Variants in NMBR observed in about 807,000 individuals in gnomAD.
NMBR encodes neuromedin B receptor, also known as neuromedin-B receptor.
A neutral mutation model predicts 20.5 loss-of-function variants in NMBR; 16 were observed. That is an observed-to-expected ratio of 0.78 (90% confidence interval 0.53 to 1.19). The LOEUF is 1.19. Ranked by LOEUF, NMBR falls within the 50% of genes most tolerant of loss-of-function variation. The pLI is 0.00. For missense variants in NMBR, 582 were observed against 499.1 expected (o/e 1.17, Z -1.58); for synonymous variants, 212 against 196.6 (o/e 1.08, Z -0.65).
chr6:142,120,427 A>T (rs1157425406), intron 1 of NMBR, among the ~76,000 whole-genome samples: 1 of 151,916 alleles, frequency 6.6e-6, no homozygotes, highest in African/African-American at 2.4e-5. Context: ...AGATGGTTAG[A>T]ATTTGCTAAG....
Position 142,147,051 on chromosome 6 carries a change from G to C in NMBR, c.-671C>G, listed in dbSNP as rs1290942461. 1.5e-5 allele frequency: 8 copies of C among 531,142 alleles called. No individual in the cohort carries two copies. The highest frequency in any genetic ancestry group is 2.7e-5 in the Non-Finnish European group (8 of 294,512). The allele number at this position is 531,142 out of a possible 1,614,324, so 32.9% of individuals were successfully genotyped here. A position where few individuals can be genotyped will look rare whatever the true frequency, so the allele number is the denominator to read the frequency against. Reference sequence around the variant, plus strand: ...AAAAACCCTTCCTCCTACCAGCAGAGAGCGCTAGCGCCATGCGCGGCATAA... The same window carrying C: ...AAAAACCCTTCCTCCTACCAGCAGACAGCGCTAGCGCCATGCGCGGCATAA... On this transcript the variant is annotated 5_prime_UTR_variant, in exon 1 of 4. Coordinates refer to ENST00000258042, the MANE Select transcript of NMBR (RefSeq NM_002511.4).
chr6:142,083,568 G>A (rs1777141208), intron 2 of NMBR, among the ~76,000 whole-genome samples: 1 of 152,114 alleles, frequency 6.6e-6, no homozygotes, highest in Admixed American at 6.5e-5. Context: ...GGTTGAGAGA[G>A]GGACCTGATG....
intron 1 of NMBR, among the ~76,000 whole-genome samples, chr6:142,135,848 G>C (rs1367524233): frequency 6.6e-6 from 1 of 151,690 alleles, no homozygotes. Context: ...TGGCTGCATA[G>C]TATTCCATGG....
rs1166223396 is a variant in NMBR, at chr6:142,078,757, A to G, written c.569T>C (p.Leu190Ser). 17 of 1,613,942 alleles carry G rather than the reference A, an allele frequency of 1.1e-5. No individual in the cohort carries two copies. Among genetic ancestry groups the G allele is most frequent in the Non-Finnish European group, 1.4e-5 (17 of 1,180,024 alleles). Residue 190 changes from leucine to serine, a missense_variant, in exon 3 of 4, where the codon TTG becomes TCG. Transcript: ENST00000258042. ...VFSEVARISS[L>S]DNSSFTACIP... Reference sequence around the variant, plus strand: ...ACATGCTGTGAAGCTGCTATTATCCAAGCTACTGATGCGAGCCACTTCTGA... The same window carrying G: ...ACATGCTGTGAAGCTGCTATTATCCGAGCTACTGATGCGAGCCACTTCTGA...
intron 1 of NMBR, among the ~76,000 whole-genome samples, chr6:142,101,082 C>A (rs1352747702): frequency 6.6e-6 from 1 of 152,020 alleles, no homozygotes; most frequent in African/African-American, 2.4e-5. Context: ...AGGAGATTTA[C>A]GGACAGAAAA....
At chr6:142,092,490 G>A (rs1264029118) in intron 1 of NMBR, among the ~76,000 whole-genome samples, 3 of 152,124 alleles carry the variant, frequency 2.0e-5, no homozygotes, top group Admixed American at 1.3e-4. Flanking sequence ...ATGAGACCAC[G>A]GGGGTGGGAA....
intron 1 of NMBR, among the ~76,000 whole-genome samples, chr6:142,146,145 A>G (rs1239734722): frequency 6.6e-6 from 1 of 152,236 alleles, no homozygotes; most frequent in Non-Finnish European, 1.5e-5. Context: ...TTTCAGGCTG[A>G]GTAAAAAAGC....
chr6:142,125,521 T>TACATGTGAATGCATATACACATA (rs1554215499), intron 1 of NMBR, among the ~76,000 whole-genome samples: 1 of 70,506 alleles, frequency 1.4e-5, no homozygotes, highest in African/African-American at 4.7e-5. Context: ...ACATACACAA[T>TACATGTGAATGCATATACACATA]TACTCATGCT....
At chr6:142,138,268 CT>C (rs1778298548) in intron 1 of NMBR, among the ~76,000 whole-genome samples, 1 of 152,138 alleles carries the variant, frequency 6.6e-6, no homozygotes, top group African/African-American at 2.4e-5. Context: ...TTTCCTCAAG[CT>C]TTATGCAGCC....
chr6:142,097,981 A>C (rs1777491457), intron 1 of NMBR, among the ~76,000 whole-genome samples: 1 of 152,126 alleles, frequency 6.6e-6, no homozygotes, highest in South Asian at 2.1e-4. Flanking sequence ...TAGTAGTAGA[A>C]AGTATCCAAA....
intron 1 of NMBR, among the ~76,000 whole-genome samples, chr6:142,096,673 A>G (rs1010825894): frequency 7.2e-5 from 11 of 152,020 alleles, no homozygotes; most frequent in Non-Finnish European, 1.6e-4. Context: ...AGAGTTCTGT[A>G]TATGTCTATT....
At chr6:142,143,537 G>C (rs574446906) in intron 1 of NMBR, among the ~76,000 whole-genome samples, 3 of 152,166 alleles carry the variant, frequency 2.0e-5, no homozygotes, top group Non-Finnish European at 4.4e-5. Flanking sequence ...ACTCTCCTCG[G>C]CTTCCCAAAG....
At chr6:142,079,818 C>T (rs1019358936) in intron 2 of NMBR, among the ~76,000 whole-genome samples, 7 of 152,112 alleles carry the variant, frequency 4.6e-5, no homozygotes, top group Non-Finnish European at 8.8e-5. Flanking sequence ...CTTTTCTCCT[C>T]CAACCTAAAA....
intron 2 of NMBR, 90 bp from the exon 3 acceptor site, chr6:142,078,993 G>T: frequency 2.6e-6 from 2 of 759,068 alleles, no homozygotes; most frequent in Non-Finnish European, 3.8e-6. Context: ...AGGAAGAAAG[G>T]GAGAGAGAGA....
chr6:142,144,610 T>C (rs1778401875), intron 1 of NMBR, among the ~76,000 whole-genome samples: 1 of 152,166 alleles, frequency 6.6e-6, no homozygotes, highest in African/African-American at 2.4e-5. Context: ...TGTAGGTCTT[T>C]CTAGTAAAAT....
At position 142,122,521 on chromosome 6, in the gene NMBR, A is replaced by G. The variant is rs201636887; in HGVS notation, c.-664+24523T>C. Among the ~76,000 whole-genome samples the G allele has an allele frequency of 2.6e-5, 4 of 152,136 alleles. No homozygotes were observed. In the East Asian group the frequency reaches 7.8e-4, roughly 29 times the overall value. On this transcript the variant is annotated intron_variant, in intron 1 of 3. Transcript: ENST00000258042. ...GGCAACACAAAACAACAGATTTTCT[A>G]TGTATATCAAACAGCTTTATACTGG...
intron 1 of NMBR, chr6:142,133,183 T>G (rs1434812908): frequency 8.7e-6 from 6 of 687,406 alleles, no homozygotes; most frequent in Non-Finnish European, 1.3e-5. Context: ...CATCAAAAAC[T>G]TCTATGAAGG....
chr6:142,145,020 T>TG (rs71840613), intron 1 of NMBR, among the ~76,000 whole-genome samples: 1,238 of 97,614 alleles, frequency 0.013, 13 homozygotes, highest in Non-Finnish European at 0.018. Flanking sequence ...AGAACCTGTC[T>TG]AAAAAAAAAA....
intron 1 of NMBR, among the ~76,000 whole-genome samples, chr6:142,116,893 C>T (rs1777865700): frequency 6.6e-6 from 1 of 151,850 alleles, no homozygotes; most frequent in Non-Finnish European, 1.5e-5. Flanking sequence ...CAATTATTAA[C>T]TCCTGCTAGT....
Sources: allele counts gnomAD v4.1 joint callset (sites outside exome capture counted in the v4.1 genomes callset), GRCh38; gene constraint gnomAD v4.1.1; transcripts MANE v1.5; gene names NCBI Gene and HGNC (gene_info 2026-07-23, HGNC 2026-07-21).